Variants in MORC2 observed in about 807,000 individuals in gnomAD.
MORC2 encodes ATPase MORC2.
In MORC2, 30 loss-of-function variants were observed where a neutral mutation model predicts 136.0. The ratio of observed to expected loss-of-function variants is 0.22; its 90% CI spans 0.17 to 0.30. The LOEUF is 0.30. MORC2 is among the 10% of genes least tolerant of loss of function. The probability of loss-of-function intolerance (pLI) is 1.00; values close to 1 mark genes in which losing one functional copy is unlikely to be tolerated. For missense variants in MORC2, 922 were observed against 1,333.1 expected, an observed-to-expected ratio of 0.69 and a Z score of 4.80; for synonymous variants, 439 against 487.0, an observed-to-expected ratio of 0.90 and a Z score of 1.30.
At chr22:30,945,276 T>C (rs1333261708) in intron 6 of MORC2, among the ~76,000 whole-genome samples, 1 of 152,200 alleles carries the variant, frequency 6.6e-6, no homozygotes, top group Non-Finnish European at 1.5e-5. Context: ...TGAACTCACA[T>C]ACCACACCAA....
At chr22:30,928,585 A>G (rs2040525800) in intron 24 of MORC2, among the ~76,000 whole-genome samples, 1 of 152,046 alleles carries the variant, frequency 6.6e-6, no homozygotes, top group Non-Finnish European at 1.5e-5. Flanking sequence ...TCAACCACCC[A>G]CTTCCAAGAC....
intron 24 of MORC2, among the ~76,000 whole-genome samples, chr22:30,928,623 A>G (rs2040526779): frequency 6.6e-6 from 1 of 152,214 alleles, no homozygotes; most frequent in African/African-American, 2.4e-5. Flanking sequence ...CGCTCATGTC[A>G]GTTCTCTTTC....
rs60514280 is a variant in MORC2, at chr22:30,926,550, CAAAAAAAAAAAAAA to C, written c.*239_*252del. On this transcript the variant is annotated 3_prime_UTR_variant, in exon 26 of 26. Coordinates refer to ENST00000397641, the MANE Select transcript of MORC2 (RefSeq NM_001303256.3). ...AAGGTTCTCTGTCCTTTGCAGTCAC[CAAAAAAAAAAAAAA>C]AAAAAAAAAAAAAAAAAAAAAAGTA... The C allele has an allele frequency of 4.0e-3, 102 of 25,788 alleles. 1 individual carries two copies. Among genetic ancestry groups the C allele is most frequent in the African/African-American group, 8.9e-3 (48 of 5,368 alleles). The allele number at this position is 25,788 out of a possible 1,614,324, so 1.6% of individuals were successfully genotyped here.
Position 30,946,345 on chromosome 22 carries a change from T to C in MORC2, c.422A>G (p.Asp141Gly). The C allele has an allele frequency of 6.2e-7, 1 of 1,606,668 alleles. No homozygotes were observed. The highest frequency in any genetic ancestry group is 8.5e-7 in the Non-Finnish European group (1 of 1,175,940). ...SRTFHEEEGI[D>G]EVIVPLPTWN... The stretch of plus-strand genomic sequence containing the variant: ...GACCACGATGATGGGACCTACTTCA[T>C]CAATGCCTTCTTCCTCATGAAACGT... Residue 141 changes from aspartate to glycine, a missense_variant, in exon 6 of 26, where the codon GAT becomes GGT. This residue lies in a region of MORC2 where 261 missense variants were observed against 354.3 expected (regional missense o/e 0.74). Coordinates refer to ENST00000397641, the MANE Select transcript of MORC2 (RefSeq NM_001303256.3).
intron 6 of MORC2, among the ~76,000 whole-genome samples, chr22:30,945,357 G>T (rs1012770030): frequency 5.9e-5 from 9 of 152,188 alleles, no homozygotes; most frequent in African/African-American, 1.9e-4. Flanking sequence ...GAACAAGTTT[G>T]CTATGATTAA....
At chr22:30,962,572 CT>C (rs1470826876) in intron 1 of MORC2, among the ~76,000 whole-genome samples, 1 of 147,844 alleles carries the variant, frequency 6.8e-6, no homozygotes, top group Non-Finnish European at 1.5e-5. Flanking sequence ...ACCAACCTGG[CT>C]GAAAGAGCCA....
chr22:30,958,663 C>T lies in MORC2; in HGVS notation c.100G>A (p.Ala34Thr). The change falls in exon 2 of 26, where the codon GCT becomes ACT. Residue 34 changes from alanine (A) to threonine (T), a missense_variant. Ala to Thr is a moderately conservative substitution (Grantham distance 58). Coordinates refer to ENST00000397641, the MANE Select transcript of MORC2 (RefSeq NM_001303256.3). ...TTHEFLFGALAELVDNARDAD... is the reference protein window; with the variant it reads ...TTHEFLFGALTELVDNARDAD... ...TACCTTGCATTATCAACCAGTTCAG[C>T]AAGGGCACCAAACAAGAATTCGTGA... 2 of 1,549,202 alleles carry T rather than the reference C, an allele frequency of 1.3e-6. No homozygotes were observed. Among genetic ancestry groups the T allele is most frequent in the Non-Finnish European group, 1.7e-6 (2 of 1,145,924 alleles).
chr22:30,950,273 A>G (rs1408934974), intron 4 of MORC2, 104 bp downstream of exon 4: 2 of 1,190,828 alleles, frequency 1.7e-6, no homozygotes, highest in African/African-American at 1.5e-5. Context: ...TCTTCTAGAC[A>G]TAACATTGGA....
Position 30,934,891 on chromosome 22 carries a change from G to A in MORC2, c.2083C>T (p.Leu695=), listed in dbSNP as rs1382688254. The change falls in exon 19 of 26, where the codon CTG becomes TTG. Residue 695 remains leucine, a synonymous_variant. Coordinates refer to ENST00000397641, the MANE Select transcript of MORC2 (RefSeq NM_001303256.3). This position sits in a 1 kb window ranked among gnomAD's most constrained non-coding sequence, Gnocchi z 4.4. ...GAGTTGGGCAGTAAAGATGGTGACAGTTGCTGCACCAGAGGGGCAGGTCGG... is the reference window on the plus strand; with the variant it reads ...GAGTTGGGCAGTAAAGATGGTGACAATTGCTGCACCAGAGGGGCAGGTCGG... The part of the protein sequence containing the change: ...ASRPAPLVQQ[L]SPSLLPNSKS... The A allele has an allele frequency of 6.2e-7, 1 of 1,614,180 alleles. No homozygotes were observed. Among genetic ancestry groups the A allele is most frequent in the African/African-American group, 1.3e-5 (1 of 75,038 alleles).
intron 3 of MORC2, among the ~76,000 whole-genome samples, chr22:30,954,853 C>T (rs1458274307): frequency 6.6e-6 from 1 of 152,146 alleles, no homozygotes; most frequent in Non-Finnish European, 1.5e-5. Context: ...TTAAATAAGC[C>T]CTATTTTTCC....
chr22:30,937,496 T>C lies in MORC2; in HGVS notation c.1498+87A>G. On this transcript the variant is annotated intron_variant, in intron 15 of 25. Coordinates refer to ENST00000397641, the MANE Select transcript of MORC2 (RefSeq NM_001303256.3). The surrounding 1 kb of genome is among the most constrained non-coding windows in gnomAD (Gnocchi z 4.7). ...GGGACTGTAAGTCCATGAATGTCAGTCAAGTTAGGAGGCTGGCAGGAAGAT... is the reference window on the plus strand; with the variant it reads ...GGGACTGTAAGTCCATGAATGTCAGCCAAGTTAGGAGGCTGGCAGGAAGAT... 1 of 1,545,838 alleles carries C rather than the reference T, an allele frequency of 6.5e-7. No homozygotes were observed. Among genetic ancestry groups the C allele is most frequent in the East Asian group, 2.2e-5 (1 of 44,466 alleles).
At chr22:30,961,805 G>C (rs1413971920) in intron 1 of MORC2, among the ~76,000 whole-genome samples, 1 of 152,078 alleles carries the variant, frequency 6.6e-6, no homozygotes, top group Non-Finnish European at 1.5e-5. Flanking sequence ...CTGCTTCTTA[G>C]CAATACATAT....
chr22:30,939,480 A>T, intron 12 of MORC2, 141 bp downstream of exon 12: 4 of 778,674 alleles, frequency 5.1e-6, no homozygotes, highest in Non-Finnish European at 6.0e-6. Flanking sequence ...AGCTAGGATT[A>T]AGACTTCCCT....
chr22:30,940,353 A>G lies in MORC2; in HGVS notation c.905-312T>C, dbSNP rs1485864788. 4.6e-5 allele frequency among the ~76,000 whole-genome samples: 7 copies of G among 152,066 alleles called. No homozygotes were observed. The East Asian group carries it at 1.2e-3, about 25-fold the overall frequency. ...GAACACTCAGCTTGAGCTGGAAGCT[A>G]AAGAAGTCTTCAGCCAATCACTCTC... is the stretch of plus-strand genomic sequence containing the variant. On this transcript the variant is annotated intron_variant, in intron 10 of 25. Transcript: ENST00000397641.
intron 6 of MORC2, among the ~76,000 whole-genome samples, chr22:30,946,029 C>G (rs183742668): frequency 3.9e-5 from 6 of 152,338 alleles, no homozygotes; most frequent in East Asian, 1.9e-4. Context: ...AACACTCCCC[C>G]CAAAATGGAA....
rs973620342 is a variant in MORC2, at chr22:30,932,817, A to G, written c.2523-48T>C. The G allele has an allele frequency of 5.0e-6, 8 of 1,613,072 alleles. No homozygotes were observed. Among genetic ancestry groups the G allele is most frequent in the Non-Finnish European group, 6.8e-6 (8 of 1,179,302 alleles). On this transcript the variant is annotated intron_variant, in intron 22 of 25. Coordinates refer to ENST00000397641, the MANE Select transcript of MORC2 (RefSeq NM_001303256.3). The surrounding 1 kb of genome is among the most constrained non-coding windows in gnomAD (Gnocchi z 4.4). The stretch of plus-strand genomic sequence containing the variant: ...GTCATGTCTGACCCGGGCTCCCAGG[A>G]TGGGCTGCTGGCAGGGAGGCCGGGG...
intron 2 of MORC2, among the ~76,000 whole-genome samples, chr22:30,957,023 A>T (rs2040976669): frequency 6.6e-6 from 1 of 152,230 alleles, no homozygotes; most frequent in South Asian, 2.1e-4. Context: ...AGATGATCAC[A>T]TGACATGGGG....
At chr22:30,949,673 G>A in intron 5 of MORC2, 79 bp downstream of exon 5, 1 of 1,210,466 alleles carries the variant, frequency 8.3e-7, no homozygotes, top group East Asian at 2.3e-5. Flanking sequence ...CAAGGAGAAG[G>A]AAAGTTTTCA....
chr22:30,966,409 T>TA (rs922207522), intron 1 of MORC2, among the ~76,000 whole-genome samples: 1 of 152,194 alleles, frequency 6.6e-6, no homozygotes, highest in Non-Finnish European at 1.5e-5. Context: ...ACTAGCTGAA[T>TA]AATCACTAAT....
Sources: gnomAD v4.1 joint callset for allele counts (sites outside exome capture counted in the v4.1 genomes callset) on GRCh38, gnomAD v4.1.1 for gene constraint, gnomAD v4.1.1 regional missense constraint, Gnocchi (gnomAD v3.1) non-coding constraint, MANE v1.5 for transcripts, NCBI Gene and HGNC (gene_info 2026-07-23, HGNC 2026-07-21) for gene names.